Variants in KCNH7 observed in about 807,000 individuals in gnomAD.
KCNH7 encodes the protein voltage-gated inwardly rectifying potassium channel KCNH7.
A neutral mutation model predicts 120.8 loss-of-function variants in KCNH7; 49 were observed. The observed-to-expected ratio is 0.41, with a 90% CI of 0.32 to 0.51. The LOEUF is 0.51. KCNH7 is among the 20% of genes least tolerant of loss of function. The pLI is 0.38. For synonymous variants in KCNH7, 547 were observed against 516.1 expected, an observed-to-expected ratio of 1.06 and a Z score of -0.81; for missense variants, 1,097 against 1,446.6, an observed-to-expected ratio of 0.76 and a Z score of 3.92.
At chr2:162,556,336 G>A (rs1487541704) in intron 2 of KCNH7, among the ~76,000 whole-genome samples, 2 of 151,956 alleles carry the variant, frequency 1.3e-5, no homozygotes, top group African/African-American at 4.8e-5. Context: ...TCATTGTGTA[G>A]GTATTATACA....
chr2:162,582,740 G>A (rs146320296), intron 2 of KCNH7, among the ~76,000 whole-genome samples: 12 of 152,114 alleles, frequency 7.9e-5, no homozygotes, highest in Admixed American at 7.9e-4. Context: ...TCAAACAATT[G>A]GACTGGGAGG....
chr2:162,675,211 C>T (rs750106522), intron 2 of KCNH7, among the ~76,000 whole-genome samples: 19 of 151,238 alleles, frequency 1.3e-4, no homozygotes, highest in Non-Finnish European at 2.2e-4. Flanking sequence ...CACTAAAATA[C>T]TAAGAGATGA....
chr2:162,708,099 C>A (rs1686783529), intron 2 of KCNH7, among the ~76,000 whole-genome samples: 1 of 151,968 alleles, frequency 6.6e-6, no homozygotes. Context: ...CTCCCTTCTA[C>A]AATGTAATAC....
intron 2 of KCNH7, among the ~76,000 whole-genome samples, chr2:162,567,600 T>G (rs1693303124): frequency 6.6e-6 from 1 of 152,156 alleles, no homozygotes; most frequent in East Asian, 1.9e-4. Context: ...GTTTTGTATA[T>G]TGATTTGTAT....
At chr2:162,722,154 A>G (rs570277772) in intron 2 of KCNH7, among the ~76,000 whole-genome samples, 2 of 152,224 alleles carry the variant, frequency 1.3e-5, no homozygotes, top group Non-Finnish European at 2.9e-5. Context: ...TACTAAACGA[A>G]CCAAAATTAT....
intron 2 of KCNH7, among the ~76,000 whole-genome samples, chr2:162,771,116 A>G (rs1683036688): frequency 6.6e-6 from 1 of 152,126 alleles, no homozygotes; most frequent in African/African-American, 2.4e-5. Context: ...TAGTGTCTAC[A>G]GATCTCCAAT....
chr2:162,722,796 T>C (rs1234959684), intron 2 of KCNH7, among the ~76,000 whole-genome samples: 1 of 149,954 alleles, frequency 6.7e-6, no homozygotes, highest in East Asian at 2.0e-4. Context: ...TCAATCCTTT[T>C]CATTCATTCT....
intron 2 of KCNH7, among the ~76,000 whole-genome samples, chr2:162,828,034 C>T (rs183793999): frequency 1.6e-4 from 24 of 152,102 alleles, no homozygotes; most frequent in Admixed American, 9.2e-4. Flanking sequence ...AATAAATGTA[C>T]GGCTAAAGAT....
rs954500613 is a variant in KCNH7 at position 162,825,646 on chromosome 2, G to C, written c.307+10891C>G. Among the ~76,000 whole-genome samples the C allele has an allele frequency of 3.3e-5, 5 of 152,052 alleles. No homozygotes were observed. The East Asian group carries it at 7.7e-4, about 23-fold the overall frequency. On this transcript the variant is annotated intron_variant, in intron 2 of 15. Coordinates refer to ENST00000332142, the MANE Select transcript of KCNH7 (RefSeq NM_033272.4). The stretch of plus-strand genomic sequence containing the variant: ...AGACTTTTGGTACATTTGTACAACA[G>C]TAAAAAGTTAGAAATAGTCAAGTGC...
intron 6 of KCNH7, among the ~76,000 whole-genome samples, chr2:162,467,259 C>T (rs1689339369): frequency 6.6e-6 from 1 of 152,150 alleles, no homozygotes; most frequent in African/African-American, 2.4e-5. Context: ...ACTTAGTTCT[C>T]AAGGTAATTC....
chr2:162,792,819 T>A, intron 2 of KCNH7, among the ~76,000 whole-genome samples: 1 of 144,246 alleles, frequency 6.9e-6, no homozygotes, highest in Non-Finnish European at 1.5e-5. Context: ...CTCAATCTCC[T>A]TCAGTTCAGC....
intron 2 of KCNH7, among the ~76,000 whole-genome samples, chr2:162,638,151 G>T (rs1318201547): frequency 6.6e-6 from 1 of 151,962 alleles, no homozygotes; most frequent in Non-Finnish European, 1.5e-5. Context: ...GACATTTCTA[G>T]CTTTACCTTC....
intron 3 of KCNH7, 98 bp from the exon 4 acceptor site, chr2:162,518,256 A>T: frequency 1.2e-6 from 1 of 861,024 alleles, no homozygotes; most frequent in South Asian, 1.8e-5. Context: ...ACCATGTAAA[A>T]ATAATTTTGA....
At chr2:162,413,776 A>AT (rs1054954200) in intron 9 of KCNH7, among the ~76,000 whole-genome samples, 4 of 151,968 alleles carry the variant, frequency 2.6e-5, no homozygotes, top group African/African-American at 9.7e-5. Context: ...ATTAGATAAT[A>AT]TTAAAAAAAA....
intron 2 of KCNH7, among the ~76,000 whole-genome samples, chr2:162,684,731 T>A (rs937038959): frequency 6.6e-6 from 1 of 152,030 alleles, no homozygotes; most frequent in Non-Finnish European, 1.5e-5. Flanking sequence ...GAAATAGGAA[T>A]GCTTTTACAC....
chr2:162,682,641 T>C (rs1237411826), intron 2 of KCNH7, among the ~76,000 whole-genome samples: 1 of 151,882 alleles, frequency 6.6e-6, no homozygotes, highest in African/African-American at 2.4e-5. Flanking sequence ...TCCATGGTTA[T>C]TCTGTGTAGT....
In KCNH7 at chr2:162,689,622, T is replaced by C. The variant is rs573556102; in HGVS notation, c.307+146915A>G. Among the ~76,000 whole-genome samples, 4 of 152,292 alleles carry C rather than the reference T, an allele frequency of 2.6e-5. No homozygotes were observed. The East Asian group carries it at 7.7e-4, about 29-fold the overall frequency. ...TTTTCTGTGAAAATGTATTTAGGCC[T>C]CACATTTTAATATAAAACATTTTAT... On this transcript the variant is annotated intron_variant, in intron 2 of 15. Transcript: ENST00000332142.
intron 2 of KCNH7, among the ~76,000 whole-genome samples, chr2:162,601,824 A>G (rs1488815936): frequency 1.3e-5 from 2 of 152,104 alleles, no homozygotes; most frequent in Non-Finnish European, 2.9e-5. Context: ...TATTAACATT[A>G]TAAAGGATGA....
At chr2:162,799,156 C>T (rs1684252884) in intron 2 of KCNH7, among the ~76,000 whole-genome samples, 1 of 151,892 alleles carries the variant, frequency 6.6e-6, no homozygotes, top group South Asian at 2.1e-4. Context: ...CAAAGCTTTG[C>T]TTCCCTTGAG....
Sources: gnomAD v4.1 joint callset for allele counts (sites outside exome capture counted in the v4.1 genomes callset) on GRCh38, gnomAD v4.1.1 for gene constraint, MANE v1.5 for transcripts, NCBI Gene and HGNC (gene_info 2026-07-23, HGNC 2026-07-21) for gene names.